Variants in ANKRD13C observed in about 807,000 individuals in gnomAD.
ANKRD13C encodes the protein ankyrin repeat domain 13C.
In ANKRD13C, 16 loss-of-function variants were observed where a neutral mutation model predicts 65.5. The ratio of observed to expected loss-of-function variants is 0.24; its 90% CI spans 0.17 to 0.37. The LOEUF (loss-of-function observed/expected upper bound fraction) is 0.37, where lower values mean the gene tolerates loss of function less well. Among genes scored for constraint, ANKRD13C ranks in the 10% least tolerant of loss-of-function variants. ANKRD13C has a pLI of 1.00. For missense variants in ANKRD13C, 503 were observed against 655.9 expected (o/e 0.77, Z 2.55); for synonymous variants, 235 against 238.7 (o/e 0.98, Z 0.14).
At chr1:70,309,122 A>T (rs1024284667) in intron 5 of ANKRD13C, among the ~76,000 whole-genome samples, 1 of 151,166 alleles carries the variant, frequency 6.6e-6, no homozygotes, top group Non-Finnish European at 1.5e-5. Flanking sequence ...AGCTTACTAC[A>T]AACTCCGCCT....
chr1:70,274,200 G>A lies in ANKRD13C; in HGVS notation c.1394+520C>T, dbSNP rs538092769. On this transcript the variant is annotated intron_variant, in intron 11 of 12. Coordinates refer to ENST00000370944, the MANE Select transcript of ANKRD13C (RefSeq NM_030816.5). ...AATTTAAAAACCTACTCGGCTGGGCGTGGTGGCTCACGCCTGTAATCCCAG... is the reference window on the plus strand; with the variant it reads ...AATTTAAAAACCTACTCGGCTGGGCATGGTGGCTCACGCCTGTAATCCCAG... 1.2e-4 allele frequency among the ~76,000 whole-genome samples: 18 copies of A among 151,720 alleles called. 1 individual carries two copies. Among genetic ancestry groups the A allele is most frequent in the South Asian group, 4.2e-4 (2 of 4,808 alleles).
intron 1 of ANKRD13C, among the ~76,000 whole-genome samples, chr1:70,339,805 C>G (rs954511790): frequency 1.4e-5 from 2 of 142,986 alleles, no homozygotes; most frequent in Non-Finnish European, 3.0e-5. Flanking sequence ...TTCTCTTGAT[C>G]AGTACGTTTA....
chr1:70,272,467 G>A lies in ANKRD13C; in HGVS notation c.1395-1511C>T, dbSNP rs553550980. 4.0e-5 allele frequency among the ~76,000 whole-genome samples: 6 copies of A among 151,856 alleles called. No homozygotes were observed. The South Asian group carries it at 6.3e-4, about 16-fold the overall frequency. On this transcript the variant is annotated intron_variant, in intron 11 of 12. Transcript: ENST00000370944. The stretch of plus-strand genomic sequence containing the variant: ...ACTCCCAACCTCAGGTGATCCACCC[G>A]CCTCAGCCTCCCAAACTGCCAGGAT...
At chr1:70,270,143 C>A (rs776857417) in intron 12 of ANKRD13C, among the ~76,000 whole-genome samples, 2 of 152,142 alleles carry the variant, frequency 1.3e-5, no homozygotes, top group Non-Finnish European at 2.9e-5. Flanking sequence ...TTACTTTATC[C>A]ATCAACAGTA....
At chr1:70,333,708 G>T (rs1681903988) in intron 2 of ANKRD13C, among the ~76,000 whole-genome samples, 1 of 151,994 alleles carries the variant, frequency 6.6e-6, no homozygotes, top group Non-Finnish European at 1.5e-5. Context: ...AATTATTTTA[G>T]GTCTGTTCAA....
intron 2 of ANKRD13C, among the ~76,000 whole-genome samples, chr1:70,327,504 A>G (rs994727482): frequency 6.6e-6 from 1 of 152,236 alleles, no homozygotes; most frequent in Non-Finnish European, 1.5e-5. Context: ...TATGAGACAT[A>G]ACAACCAAAT....
rs1678400727 is a variant in ANKRD13C at position 70,261,832 on chromosome 1, T to C, written c.*885A>G. 6.6e-6 allele frequency: 1 copy of C among 152,480 alleles called. No individual in the cohort carries two copies. The highest frequency in any genetic ancestry group is 6.6e-5 in the Admixed American group (1 of 15,252). The allele number at this position is 152,480 out of a possible 1,614,324, so 9.4% of individuals were successfully genotyped here. On this transcript the variant is annotated 3_prime_UTR_variant, in exon 13 of 13. Coordinates refer to ENST00000370944, the MANE Select transcript of ANKRD13C (RefSeq NM_030816.5). ...AAATAATCAGACCGATGTGTACTTA[T>C]TAGGAAGCAAGTTTAAAAATTTGGA...
chr1:70,303,369 C>G (rs1680457863), intron 6 of ANKRD13C, among the ~76,000 whole-genome samples: 1 of 151,918 alleles, frequency 6.6e-6, no homozygotes, highest in Admixed American at 6.6e-5. Flanking sequence ...GTTCTTTATA[C>G]AAATGCAAAG....
At position 70,320,510 on chromosome 1, in the gene ANKRD13C, T is replaced by G. The variant is rs548620888; in HGVS notation, c.577+4343A>C. ...CACCATGCCTGGCTAATTTTTGTAT[T>G]TTTTTGTAGAGACAGGTTTTTGCCA... On this transcript the variant is annotated intron_variant, in intron 3 of 12. Coordinates refer to ENST00000370944, the MANE Select transcript of ANKRD13C (RefSeq NM_030816.5). 2.0e-4 allele frequency among the ~76,000 whole-genome samples: 30 copies of G among 152,022 alleles called. No individual in the cohort carries two copies. In the East Asian group the frequency reaches 4.7e-3, roughly 24 times the overall value.
chr1:70,354,119 C>G lies in ANKRD13C; in HGVS notation c.290G>C (p.Gly97Ala). The change falls in exon 1 of 13, where the codon GGC becomes GCC. Residue 97 changes from glycine (G) to alanine (A), a missense_variant. Gly to Ala is a moderately conservative substitution (Grantham distance 60). This residue lies in a region of ANKRD13C where 203 missense variants were observed against 177.6 expected (regional missense o/e 1.14). Coordinates refer to ENST00000370944, the MANE Select transcript of ANKRD13C (RefSeq NM_030816.5). ...CGCGACGACAGCAACGGGGTTGGTG[C>G]CGGCCAGAAGGGCCGGGGACTGGGA... ...ANSQSPALLA[G>A]TNPVAVVADG... 1 of 1,613,582 alleles carries G rather than the reference C, an allele frequency of 6.2e-7. No homozygotes were observed. Among genetic ancestry groups the G allele is most frequent in the Non-Finnish European group, 8.5e-7 (1 of 1,179,646 alleles).
intron 9 of ANKRD13C, among the ~76,000 whole-genome samples, chr1:70,288,017 C>T (rs1486803916): frequency 6.6e-6 from 1 of 151,924 alleles, no homozygotes; most frequent in Non-Finnish European, 1.5e-5. Context: ...GAGACCATGT[C>T]TCAGAAACAA....
chr1:70,306,511 T>G (rs1389829399), intron 5 of ANKRD13C, among the ~76,000 whole-genome samples: 1 of 152,160 alleles, frequency 6.6e-6, no homozygotes, highest in Non-Finnish European at 1.5e-5. Flanking sequence ...TTTACTATAC[T>G]CCCATCCCAC....
In ANKRD13C at chr1:70,336,270, T is replaced by C. The variant is rs74085218; in HGVS notation, c.431-171A>G. On this transcript the variant is annotated intron_variant, in intron 1 of 12. Transcript: ENST00000370944. ...GCAAATTTAAAGTCAGAAGATACCA[T>C]GATTTCTGAGTACAATGTACTCTCC... Among the ~76,000 whole-genome samples the C allele has an allele frequency of 3.2e-3, 486 of 152,260 alleles. 2 individuals are homozygous for C. Among genetic ancestry groups the C allele is most frequent in the African/African-American group, 0.011 (470 of 41,572 alleles).
At position 70,300,713 on chromosome 1, in the gene ANKRD13C, A is replaced by G. The variant is rs559167722; in HGVS notation, c.921+51T>C. 50 of 1,476,750 alleles carry G rather than the reference A, an allele frequency of 3.4e-5. No homozygotes were observed. In the African/African-American group the frequency reaches 5.8e-4, roughly 17 times the overall value. 91.5% of individuals were successfully genotyped at this position (1,476,750 alleles called of 1,614,324 possible). ...TATACTGAGGTTTTGCTAAAAACCT[A>G]TACTTTTTTTTTAATGATTTAAAGG... On this transcript the variant is annotated intron_variant, in intron 7 of 12. Coordinates refer to ENST00000370944, the MANE Select transcript of ANKRD13C (RefSeq NM_030816.5).
intron 7 of ANKRD13C, among the ~76,000 whole-genome samples, chr1:70,297,004 A>G (rs769845102): frequency 6.6e-6 from 1 of 152,182 alleles, no homozygotes; most frequent in Non-Finnish European, 1.5e-5. Flanking sequence ...TGCTTGCTTC[A>G]GGGACAGAAG....
intron 2 of ANKRD13C, among the ~76,000 whole-genome samples, chr1:70,333,557 A>G (rs1310026206): frequency 6.6e-6 from 1 of 152,238 alleles, no homozygotes; most frequent in Non-Finnish European, 1.5e-5. Flanking sequence ...CAGATAATTC[A>G]TAAGTCTGCC....
At position 70,308,891 on chromosome 1, in the gene ANKRD13C, C is replaced by T. The variant is rs182271784; in HGVS notation, c.710-2601G>A. On this transcript the variant is annotated intron_variant, in intron 5 of 12. Coordinates refer to ENST00000370944, the MANE Select transcript of ANKRD13C (RefSeq NM_030816.5). Reference sequence around the variant, plus strand: ...CTGAAATAACTCTTTTTCTCCTCCACGTAAGTTAAACAACCAACCTATTTC... The same window carrying T: ...CTGAAATAACTCTTTTTCTCCTCCATGTAAGTTAAACAACCAACCTATTTC... Among the ~76,000 whole-genome samples the T allele has an allele frequency of 4.3e-4, 65 of 152,230 alleles. 2 individuals carry two copies. In the East Asian group the frequency reaches 8.1e-3, roughly 19 times the overall value.
chr1:70,352,264 C>T (rs1227357980), intron 1 of ANKRD13C, among the ~76,000 whole-genome samples: 1 of 141,728 alleles, frequency 7.1e-6, no homozygotes, highest in African/African-American at 2.6e-5. Flanking sequence ...GGCGTGAACC[C>T]GGGAGGCGGA....
Position 70,276,781 on chromosome 1 carries a change from A to C in ANKRD13C, c.1279T>G (p.Ser427Ala). The change falls in exon 10 of 13, where the codon TCT becomes GCT. Residue 427 changes from serine to alanine, a missense_variant. By Grantham distance (99) the Ser-to-Ala change is moderately conservative. Around this residue, in one of 2 missense-constraint regions of ANKRD13C, gnomAD observed 300 missense variants for 478.3 expected, o/e 0.63. Coordinates refer to ENST00000370944, the MANE Select transcript of ANKRD13C (RefSeq NM_030816.5). ...QNTITWEEYI[S>A]AENGKAPHLG... ...AAAACTTACTTTCCATTTTCAGCAG[A>C]TATATATTCTTCCCATGTAATAGTG... is the stretch of plus-strand genomic sequence containing the variant. The C allele has an allele frequency of 6.2e-7, 1 of 1,601,046 alleles. No homozygotes were observed. The highest frequency in any genetic ancestry group is 1.7e-4 in the Middle Eastern group (1 of 6,030).
Sources: allele counts gnomAD v4.1 joint callset (sites outside exome capture counted in the v4.1 genomes callset), GRCh38; gene constraint gnomAD v4.1.1; regional missense constraint gnomAD v4.1.1; transcripts MANE v1.5; gene names NCBI Gene and HGNC (gene_info 2026-07-23, HGNC 2026-07-21).